KDM4B: variants seen among roughly 807,000 people sequenced by gnomAD.
KDM4B encodes lysine demethylase 4B.
A neutral mutation model predicts 125.2 loss-of-function variants in KDM4B; 32 were observed. The ratio of observed to expected loss-of-function variants is 0.26; its 90% CI spans 0.19 to 0.34. The LOEUF is 0.34. KDM4B is among the 10% of genes least tolerant of loss of function. The pLI is 1.00. For missense variants in KDM4B, 1,190 were observed against 1,577.7 expected, an observed-to-expected ratio of 0.75 and a Z score of 4.16; for synonymous variants, 721 against 677.9, an observed-to-expected ratio of 1.06 and a Z score of -0.99.
At position 5,144,392 on chromosome 19, in the gene KDM4B, C is replaced by T. The variant is rs1161513133; in HGVS notation, c.2881C>T (p.Leu961=). Reference sequence around the variant, plus strand: ...CGACGATGGCTCCTACAGCGACAACCTGTACCCTGAGAGCATCACGGTGAG... The same window carrying T: ...CGACGATGGCTCCTACAGCGACAACTTGTACCCTGAGAGCATCACGGTGAG... ...NFDDGSYSDN[L]YPESITSRDC... The change falls in exon 20 of 23, where the codon CTG becomes TTG. Residue 961 remains leucine (L), a synonymous_variant. Transcript: ENST00000159111. 1.3e-6 allele frequency: 2 copies of T among 1,553,624 alleles called. No homozygotes were observed. The highest frequency in any genetic ancestry group is 2.7e-5 in the African/African-American group (2 of 73,604).
chr19:5,041,158 G>A lies in KDM4B; in HGVS notation c.339G>A (p.Gln113=), dbSNP rs1202547000. ...CCAGGTACTGTACCCCGCGGCACCA[G>A]GACTTTGATGACCTTGAACGCAAAT... is the stretch of plus-strand genomic sequence containing the variant. ...NSEKYCTPRH[Q]DFDDLERKYW... is the part of the protein sequence containing the mutation. The change falls in exon 5 of 23, where the codon CAG becomes CAA. Residue 113 remains glutamine (Q), a synonymous_variant. Transcript: ENST00000159111. 2.5e-6 allele frequency: 4 copies of A among 1,612,646 alleles called. No homozygotes were observed. Among genetic ancestry groups the A allele is most frequent in the East Asian group, 2.2e-5 (1 of 44,806 alleles).
At chr19:5,119,077 C>T in intron 10 of KDM4B, 1 of 1,294,044 alleles carries the variant, frequency 7.7e-7, no homozygotes, top group Non-Finnish European at 1.1e-6. Flanking sequence ...GGGAGTTGAG[C>T]AGAAGTCCTA....
intron 9 of KDM4B, among the ~76,000 whole-genome samples, chr19:5,101,456 G>C (rs1170545082): frequency 6.6e-6 from 1 of 151,708 alleles, no homozygotes; most frequent in Non-Finnish European, 1.5e-5. Context: ...CCAGGACTTC[G>C]GGGTCGGCAG....
chr19:5,039,531 C>T (rs892224288), intron 3 of KDM4B, among the ~76,000 whole-genome samples: 1 of 152,178 alleles, frequency 6.6e-6, no homozygotes, highest in Non-Finnish European at 1.5e-5. Flanking sequence ...CCCAGTGCCA[C>T]CTATGTTTGC....
At chr19:4,972,483 G>A (rs542477427) in intron 1 of KDM4B, among the ~76,000 whole-genome samples, 252 of 152,260 alleles carry the variant, frequency 1.7e-3, no homozygotes, top group Admixed American at 2.9e-3. Context: ...CCCTATCCAC[G>A]TTCTGGGCTG....
chr19:5,079,067 C>A (rs35469100), intron 8 of KDM4B: 1 of 152,158 alleles, frequency 6.6e-6, no homozygotes, highest in African/African-American at 2.4e-5. Flanking sequence ...CAAGTGACTC[C>A]CCACACTCCC....
rs140874022 is a variant in KDM4B, at chr19:5,134,011, C to T, written c.2035C>T (p.Arg679Cys). The change falls in exon 14 of 23, where the codon CGC becomes TGC. Residue 679 changes from arginine to cysteine, a missense_variant. Physicochemically the swap from Arg to Cys is radical, Grantham distance 180. Around this residue, in one of 7 missense-constraint regions of KDM4B, gnomAD observed 128 missense variants for 137.8 expected, o/e 0.93. Transcript: ENST00000159111. ...AERKFNAAAA[R>C]TEPYCAICTL... Reference sequence around the variant, plus strand: ...GAGGAAGTTCAACGCAGCGGCTGCGCGCACGGAGCCCTACTGCGCCATCTG... The same window carrying T: ...GAGGAAGTTCAACGCAGCGGCTGCGTGCACGGAGCCCTACTGCGCCATCTG... The T allele has an allele frequency of 3.6e-5, 58 of 1,610,838 alleles. No homozygotes were observed. The Admixed American group carries it at 5.5e-4, about 15-fold the overall frequency.
chr19:5,034,412 C>T lies in KDM4B; in HGVS notation c.141+1381C>T, dbSNP rs577166658. 1.3e-3 allele frequency among the ~76,000 whole-genome samples: 202 copies of T among 152,324 alleles called. 1 individual carries two copies. Among genetic ancestry groups the T allele is most frequent in the Non-Finnish European group, 2.6e-3 (179 of 68,036 alleles). ...CTGTGAGCCAGAAAGAGCAACCAGA[C>T]GCCGTGTGAATGAAAGTGCACGGCC... On this transcript the variant is annotated intron_variant, in intron 3 of 22. Coordinates refer to ENST00000159111, the MANE Select transcript of KDM4B (RefSeq NM_015015.3).
intron 9 of KDM4B, among the ~76,000 whole-genome samples, chr19:5,101,911 A>G (rs1196642053): frequency 6.6e-6 from 1 of 152,086 alleles, no homozygotes; most frequent in African/African-American, 2.4e-5. Flanking sequence ...CACATCCTCC[A>G]CTGTGCCCAG....
In KDM4B at chr19:5,142,649, C is replaced by T. The variant is rs906214632; in HGVS notation, c.2551-1318C>T. On this transcript the variant is annotated intron_variant, in intron 18 of 22. Transcript: ENST00000159111. The surrounding 1 kb of genome is among the most constrained non-coding windows in gnomAD (Gnocchi z 5.4). The stretch of plus-strand genomic sequence containing the variant: ...TGACAGTGTCCAGGTGGGGCCTCTC[C>T]CCCACCCCCAGGCTCCCCAGGGAGC... Among the ~76,000 whole-genome samples, 1 of 152,080 alleles carries T rather than the reference C, an allele frequency of 6.6e-6. No individual in the cohort carries two copies. The highest frequency in any genetic ancestry group is 2.4e-5 in the African/African-American group (1 of 41,420).
At chr19:5,064,130 C>T (rs2037692422) in intron 6 of KDM4B, among the ~76,000 whole-genome samples, 1 of 152,206 alleles carries the variant, frequency 6.6e-6, no homozygotes, top group African/African-American at 2.4e-5. Flanking sequence ...CATGGCTTTT[C>T]CGTTCTGTTT....
Position 5,150,394 on chromosome 19 carries a change from C to G in KDM4B, c.3058C>G (p.Arg1020Gly). ...GGACGGGTCCCAGCTGACGGTGAAG[C>G]GTGGGGACATCTTCACCCTGGAGGA... The part of the protein sequence containing the change: ...FEDGSQLTVK[R>G]GDIFTLEEEL... Residue 1020 changes from arginine to glycine, a missense_variant, in exon 22 of 23, where the codon CGT becomes GGT. Coordinates refer to ENST00000159111, the MANE Select transcript of KDM4B (RefSeq NM_015015.3). The G allele has an allele frequency of 6.4e-7, 1 of 1,551,342 alleles. No homozygotes were observed.
In KDM4B at chr19:5,082,916, A is replaced by G. The variant is rs2038347940; in HGVS notation, c.918+412A>G. Among the ~76,000 whole-genome samples, 2 of 152,038 alleles carry G rather than the reference A, an allele frequency of 1.3e-5. No homozygotes were observed. The highest frequency in any genetic ancestry group is 2.1e-4 in the South Asian group (1 of 4,828). ...GGTCCTGGGGTTGGGTTGTTTGCTGACATCTCTCTCCTGGGGGCCGCTTGG... is the reference window on the plus strand; with the variant it reads ...GGTCCTGGGGTTGGGTTGTTTGCTGGCATCTCTCTCCTGGGGGCCGCTTGG... On this transcript the variant is annotated intron_variant, in intron 9 of 22. Coordinates refer to ENST00000159111, the MANE Select transcript of KDM4B (RefSeq NM_015015.3). This position sits in a 1 kb window ranked among gnomAD's most constrained non-coding sequence, Gnocchi z 5.4.
chr19:5,096,626 CGGT>C (rs2038829876), intron 9 of KDM4B, among the ~76,000 whole-genome samples: 1 of 150,150 alleles, frequency 6.7e-6, no homozygotes, highest in Non-Finnish European at 1.5e-5. Flanking sequence ...CCGGCGGTGT[CGGT>C]GGTGCGTGTT....
At chr19:5,132,864 G>A (rs971523178) in intron 13 of KDM4B, among the ~76,000 whole-genome samples, 1 of 152,174 alleles carries the variant, frequency 6.6e-6, no homozygotes, top group Non-Finnish European at 1.5e-5. Context: ...AGGGCCTCGG[G>A]GCCGCTTAGG....
At chr19:5,069,697 T>A (rs2037886395) in intron 6 of KDM4B, among the ~76,000 whole-genome samples, 1 of 152,194 alleles carries the variant, frequency 6.6e-6, no homozygotes, top group African/African-American at 2.4e-5. Flanking sequence ...CACTGCAGCC[T>A]TTGCCTCCCA....
At chr19:5,007,545 T>C (rs866805745) in intron 1 of KDM4B, among the ~76,000 whole-genome samples, 1,494 of 76,796 alleles carry the variant, frequency 0.019, 21 homozygotes, top group East Asian at 0.19. Context: ...TCTCTCTCTT[T>C]TTTTTTTTTT....
chr19:4,975,961 G>A (rs555555662), intron 1 of KDM4B, among the ~76,000 whole-genome samples: 91 of 151,044 alleles, frequency 6.0e-4, no homozygotes, highest in African/African-American at 2.1e-3. Flanking sequence ...AAAAAAAAAT[G>A]GGGCATGGCC....
At chr19:5,032,029 G>A (rs72990152) in intron 2 of KDM4B, among the ~76,000 whole-genome samples, 6,921 of 152,318 alleles carry the variant, frequency 0.045, 219 homozygotes, top group Non-Finnish European at 0.072. Flanking sequence ...TTTGGAGATT[G>A]AACCTGCCAA....
Sources: gnomAD v4.1 joint callset for allele counts (sites outside exome capture counted in the v4.1 genomes callset) on GRCh38, gnomAD v4.1.1 for gene constraint, gnomAD v4.1.1 regional missense constraint, Gnocchi (gnomAD v3.1) non-coding constraint, MANE v1.5 for transcripts, NCBI Gene and HGNC (gene_info 2026-07-23, HGNC 2026-07-21) for gene names.